CAMK2B: variants seen among roughly 807,000 people sequenced by gnomAD.
CAMK2B encodes calcium/calmodulin dependent protein kinase II beta.
In CAMK2B, 27 loss-of-function variants were observed where a neutral mutation model predicts 93.7. The observed-to-expected ratio is 0.29, with a 90% CI of 0.21 to 0.40. CAMK2B has a LOEUF of 0.40. Among genes scored for constraint, CAMK2B ranks in the 10% least tolerant of loss-of-function variants. The pLI is 1.00. For synonymous variants in CAMK2B, 374 were observed against 358.8 expected (o/e 1.04, Z -0.48); for missense variants, 568 against 895.8 (o/e 0.63, Z 4.67).
At chr7:44,256,698 A>G (rs1366992269) in intron 4 of CAMK2B, among the ~76,000 whole-genome samples, 2 of 152,234 alleles carry the variant, frequency 1.3e-5, no homozygotes, top group East Asian at 3.9e-4. Context: ...CAGTGGCTAA[A>G]AGGCCTTACG....
chr7:44,296,699 T>G (rs562719559), intron 1 of CAMK2B, among the ~76,000 whole-genome samples: 1 of 152,136 alleles, frequency 6.6e-6, no homozygotes, highest in South Asian at 2.1e-4. Context: ...AAAAAACACT[T>G]CACCTGTCAA....
intron 2 of CAMK2B, chr7:44,268,563 T>C (rs1483995087): frequency 6.6e-6 from 1 of 152,252 alleles, no homozygotes; most frequent in Non-Finnish European, 1.5e-5. Flanking sequence ...CTCATGCTCA[T>C]GGGGAAAGAC....
At chr7:44,236,487 C>G (rs978070956) in intron 13 of CAMK2B, among the ~76,000 whole-genome samples, 2 of 152,246 alleles carry the variant, frequency 1.3e-5, no homozygotes, top group Non-Finnish European at 2.9e-5. Flanking sequence ...CCTGGTGAAG[C>G]TGAGCACAGC....
rs2128880882 is a variant in CAMK2B, at chr7:44,225,557, C to T, written c.1597+959G>A. Among the ~76,000 whole-genome samples the T allele has an allele frequency of 6.6e-6, 1 of 152,248 alleles. No individual in the cohort carries two copies. The highest frequency in any genetic ancestry group is 1.9e-4 in the East Asian group (1 of 5,158). On this transcript the variant is annotated intron_variant, in intron 20 of 23. Coordinates refer to ENST00000395749, the MANE Select transcript of CAMK2B (RefSeq NM_001220.5). The surrounding 1 kb of genome is among the most constrained non-coding windows in gnomAD (Gnocchi z 5.0). The stretch of plus-strand genomic sequence containing the variant: ...GAAGCTCTGGGGGTGAGTACCCCTC[C>T]AGGGGCTGCCCCCTGCTCTCTCGGG...
intron 6 of CAMK2B, among the ~76,000 whole-genome samples, chr7:44,245,829 C>T (rs2096724577): frequency 6.6e-6 from 1 of 152,138 alleles, no homozygotes; most frequent in African/African-American, 2.4e-5. Flanking sequence ...AGCATGAAAA[C>T]CAATGGGGAG....
chr7:44,225,683 G>C lies in CAMK2B; in HGVS notation c.1597+833C>G. The C allele has an allele frequency of 8.0e-7, 1 of 1,248,718 alleles. No individual in the cohort carries two copies. Among genetic ancestry groups the C allele is most frequent in the Non-Finnish European group, 1.0e-6 (1 of 952,414 alleles). 77.4% of individuals were successfully genotyped at this position (1,248,718 alleles called of 1,614,324 possible). A position where few individuals can be genotyped will look rare whatever the true frequency, so the allele number is the denominator to read the frequency against. On this transcript the variant is annotated intron_variant, in intron 20 of 23. Transcript: ENST00000395749. This position sits in a 1 kb window ranked among gnomAD's most constrained non-coding sequence, Gnocchi z 5.0. ...CACTCTCCCCACACCCTTCTGCCCT[G>C]GCCGCCTGCAGCAGCCCCCAGGCCC...
chr7:44,318,557 G>A (rs923911325), intron 1 of CAMK2B, among the ~76,000 whole-genome samples: 2 of 152,204 alleles, frequency 1.3e-5, no homozygotes, highest in African/African-American at 2.4e-5. Flanking sequence ...TGCTGGAAAC[G>A]GCACTCACTG....
At chr7:44,223,247 GC>G (rs2096434309) in intron 20 of CAMK2B, among the ~76,000 whole-genome samples, 1 of 152,170 alleles carries the variant, frequency 6.6e-6, no homozygotes, top group East Asian at 1.9e-4. Context: ...ATCTGGAAAG[GC>G]CCTTGCTCCT....
At chr7:44,292,633 T>C (rs1787174311) in intron 1 of CAMK2B, among the ~76,000 whole-genome samples, 1 of 152,212 alleles carries the variant, frequency 6.6e-6, no homozygotes, top group South Asian at 2.1e-4. Context: ...TTGAATGGGA[T>C]CATCTGTACT....
At chr7:44,233,072 G>A (rs772843060) in intron 15 of CAMK2B, among the ~76,000 whole-genome samples, 22 of 152,222 alleles carry the variant, frequency 1.4e-4, no homozygotes, top group Middle Eastern at 3.4e-3. Flanking sequence ...GGCAGGGATG[G>A]AATGGACAGG....
At position 44,234,430 on chromosome 7, in the gene CAMK2B, G is replaced by T; in HGVS notation, c.1091C>A (p.Ala364Asp). The T allele has an allele frequency of 6.5e-7, 1 of 1,549,948 alleles. No individual in the cohort carries two copies. The highest frequency in any genetic ancestry group is 8.7e-7 in the Non-Finnish European group (1 of 1,152,146). ...PQTNSTKNSA[A>D]ATSPKGTLPP... ...AAGCGTCCCTTTGGGGCTGGTGGCG[G>T]CTGCACTGTTTTTGGTGCTATTCGT... Residue 364 changes from alanine to aspartate, a missense_variant, in exon 15 of 24, where the codon GCC becomes GAC. By Grantham distance (126) the Ala-to-Asp change is moderately radical. Coordinates refer to ENST00000395749, the MANE Select transcript of CAMK2B (RefSeq NM_001220.5).
At chr7:44,228,024 G>A (rs2096536302) in intron 19 of CAMK2B, among the ~76,000 whole-genome samples, 1 of 151,732 alleles carries the variant, frequency 6.6e-6, no homozygotes, top group Non-Finnish European at 1.5e-5. Flanking sequence ...GAGGCTGCAG[G>A]AGTGAAGGGC....
At chr7:44,282,405 G>A (rs1271407876) in intron 2 of CAMK2B, among the ~76,000 whole-genome samples, 12 of 152,230 alleles carry the variant, frequency 7.9e-5, no homozygotes, top group African/African-American at 2.4e-4. Context: ...GCAATGTGTG[G>A]AGAATGGTTG....
chr7:44,277,860 C>T (rs2097063060), intron 2 of CAMK2B, among the ~76,000 whole-genome samples: 1 of 152,148 alleles, frequency 6.6e-6, no homozygotes, highest in East Asian at 1.9e-4. Context: ...CCCTCTCCAT[C>T]CTCTACCTCC....
chr7:44,307,708 C>A (rs1792294208), intron 1 of CAMK2B, among the ~76,000 whole-genome samples: 1 of 152,100 alleles, frequency 6.6e-6, no homozygotes, highest in African/African-American at 2.4e-5. Context: ...GGAGGTGGCC[C>A]ATTAGCCTAG....
At chr7:44,303,465 G>C (rs906263128) in intron 1 of CAMK2B, among the ~76,000 whole-genome samples, 11 of 152,146 alleles carry the variant, frequency 7.2e-5, no homozygotes, top group Admixed American at 2.6e-4. Context: ...TATTGAAGGA[G>C]AAGAGCAAAG....
intron 8 of CAMK2B, among the ~76,000 whole-genome samples, chr7:44,242,872 G>T (rs1278322036): frequency 6.6e-6 from 1 of 152,168 alleles, no homozygotes; most frequent in African/African-American, 2.4e-5. Flanking sequence ...AGGGATGAGG[G>T]TGATGTCAAG....
At chr7:44,317,819 T>C (rs566826237) in intron 1 of CAMK2B, among the ~76,000 whole-genome samples, 7 of 152,142 alleles carry the variant, frequency 4.6e-5, no homozygotes, top group Admixed American at 2.0e-4. Context: ...AATTCATGCC[T>C]AGGTGGGCTC....
At chr7:44,306,329 T>C (rs73317771) in intron 1 of CAMK2B, among the ~76,000 whole-genome samples, 1 of 152,296 alleles carries the variant, frequency 6.6e-6, no homozygotes, top group African/African-American at 2.4e-5. Flanking sequence ...GCATCCATCT[T>C]TCTCTTTCAC....
Sources: gnomAD v4.1 joint callset for allele counts (sites outside exome capture counted in the v4.1 genomes callset) on GRCh38, gnomAD v4.1.1 for gene constraint, Gnocchi (gnomAD v3.1) non-coding constraint, MANE v1.5 for transcripts, NCBI Gene and HGNC (gene_info 2026-07-23, HGNC 2026-07-21) for gene names.